Variants in UNC13B observed in about 807,000 individuals in gnomAD.
UNC13B encodes the protein unc-13 homolog B, also known as protein unc-13 homolog B.
A neutral mutation model predicts 211.0 loss-of-function variants in UNC13B; 144 were observed. That is an observed-to-expected ratio of 0.68 (90% confidence interval 0.60 to 0.78). The LOEUF (loss-of-function observed/expected upper bound fraction) is 0.78. UNC13B is among the 30% of genes least tolerant of loss of function. The pLI, the probability that UNC13B is intolerant of heterozygous loss-of-function variation, is 0.00. For synonymous variants in UNC13B, 709 were observed against 725.8 expected (o/e 0.98, Z 0.37); for missense variants, 1,777 against 2,002.0 (o/e 0.89, Z 2.14).
intron 7 of UNC13B, among the ~76,000 whole-genome samples, chr9:35,263,516 A>C (rs1328581053): frequency 6.6e-6 from 1 of 152,036 alleles, no homozygotes; most frequent in East Asian, 1.9e-4. Context: ...TGCATTTTCT[A>C]TCTGTCTCAT....
intron 7 of UNC13B, among the ~76,000 whole-genome samples, chr9:35,276,432 G>A (rs1276260063): frequency 6.6e-6 from 1 of 151,906 alleles, no homozygotes; most frequent in Non-Finnish European, 1.5e-5. Flanking sequence ...TCCTCTGTCT[G>A]CACTCACCCT....
intron 7 of UNC13B, among the ~76,000 whole-genome samples, chr9:35,265,557 A>T (rs1255405497): frequency 6.6e-6 from 1 of 152,224 alleles, no homozygotes; most frequent in East Asian, 1.9e-4. Flanking sequence ...ATTATAAGAA[A>T]AATTACTAGG....
rs1179543355 is a variant in UNC13B, at chr9:35,304,330, C to T, written c.4926C>T (p.Ser1642=). ...QVLKESSCDQ[S]DQPLDFSGYN... ...TTAAAGAGTCAAGTTGTGACCAAAG[C>T]GATCAGCCACTAGATTTTTCAGGCT... The change falls in exon 9 of 40, where the codon AGC becomes AGT. Residue 1642 remains serine, a synonymous_variant. Transcript: ENST00000635942. The T allele has an allele frequency of 2.0e-5, 8 of 398,388 alleles. 1 individual carries two copies. The highest frequency in any genetic ancestry group is 1.2e-3 in the Middle Eastern group (2 of 1,610). 24.7% of individuals were successfully genotyped at this position (398,388 alleles called of 1,614,324 possible). A position where few individuals can be genotyped will look rare whatever the true frequency, so the allele number is the denominator to read the frequency against.
At chr9:35,368,051 C>T (rs1026430544) in intron 12 of UNC13B, among the ~76,000 whole-genome samples, 1 of 152,106 alleles carries the variant, frequency 6.6e-6, no homozygotes, top group African/African-American at 2.4e-5. Context: ...AATTTGTCAT[C>T]TTTAAAAAAA....
At chr9:35,370,989 C>T (rs1834078613) in intron 13 of UNC13B, among the ~76,000 whole-genome samples, 1 of 152,186 alleles carries the variant, frequency 6.6e-6, no homozygotes, top group South Asian at 2.1e-4. Flanking sequence ...TGGGTCATAC[C>T]TTCTGAGGCA....
At chr9:35,263,182 A>G (rs1435957536) in intron 7 of UNC13B, among the ~76,000 whole-genome samples, 1 of 152,204 alleles carries the variant, frequency 6.6e-6, no homozygotes, top group Non-Finnish European at 1.5e-5. Flanking sequence ...AGACAAAGAT[A>G]TATGTGCAAA....
chr9:35,329,519 A>G (rs940545688), intron 11 of UNC13B, among the ~76,000 whole-genome samples: 2 of 149,596 alleles, frequency 1.3e-5, no homozygotes, highest in Non-Finnish European at 3.0e-5. Context: ...ATAGGGTCTC[A>G]CTCTGTTGCC....
Position 35,310,605 on chromosome 9 carries a change from C to T in UNC13B, c.9147C>T (p.His3049=), listed in dbSNP as rs1404472673. The change falls in exon 10 of 40, where the codon CAC becomes CAT. Residue 3049 remains histidine, a synonymous_variant. Coordinates refer to ENST00000635942, the MANE Select transcript of UNC13B (RefSeq NM_001371189.2). ...TDSIHSCHSS[H]SLSRDGQAGF... is the part of the protein sequence containing the mutation. ...CGATTCATTCTTGCCACAGCTCTCA[C>T]AGCCTGTCCAGAGATGGCCAAGCAG... 6.2e-7 allele frequency: 1 copy of T among 1,613,936 alleles called. No individual in the cohort carries two copies. The highest frequency in any genetic ancestry group is 2.2e-5 in the East Asian group (1 of 44,880).
At chr9:35,316,316 A>G (rs1830450913) in intron 11 of UNC13B, among the ~76,000 whole-genome samples, 1 of 151,948 alleles carries the variant, frequency 6.6e-6, no homozygotes, top group Admixed American at 6.6e-5. Context: ...TTACATTTCT[A>G]ATTTATTACA....
chr9:35,284,362 A>G (rs1828673336), intron 7 of UNC13B, among the ~76,000 whole-genome samples: 1 of 152,234 alleles, frequency 6.6e-6, no homozygotes. Flanking sequence ...ATTTAAAAAT[A>G]TTAGTGGATG....
In UNC13B at chr9:35,162,075, C is replaced by T; in HGVS notation, c.-209C>T. 1 of 671,164 alleles carries T rather than the reference C, an allele frequency of 1.5e-6. No homozygotes were observed. The highest frequency in any genetic ancestry group is 3.2e-5 in the East Asian group (1 of 31,724). The allele number at this position is 671,164 out of a possible 1,614,324, so 41.6% of individuals were successfully genotyped here. On this transcript the variant is annotated 5_prime_UTR_variant, in exon 1 of 40. Transcript: ENST00000635942. The stretch of plus-strand genomic sequence containing the variant: ...CCGCGCCCAGTCCCCAGCCTGCCGG[C>T]CGGTACTCACCGCTACCCGGAGTTC...
At chr9:35,246,449 G>A (rs1200550775) in intron 6 of UNC13B, among the ~76,000 whole-genome samples, 17 of 152,250 alleles carry the variant, frequency 1.1e-4, no homozygotes, top group Non-Finnish European at 1.9e-4. Flanking sequence ...GAATGGTATC[G>A]CCTAGGTTTT....
intron 6 of UNC13B, 78 bp downstream of exon 6, chr9:35,243,442 C>T (rs1268408263): frequency 7.0e-7 from 1 of 1,429,218 alleles, no homozygotes. Flanking sequence ...CAGGGAGGGG[C>T]CCAAGAGCAT....
Position 35,391,735 on chromosome 9 carries a change from G to A in UNC13B, c.11308+1021G>A, listed in dbSNP as rs894810990. Reference sequence around the variant, plus strand: ...AACTCTGGCTCCAGTGGGTTTGGGGGAAAAGAGAAAACACCTGTGAAAAGT... The same window carrying A: ...AACTCTGGCTCCAGTGGGTTTGGGGAAAAAGAGAAAACACCTGTGAAAAGT... On this transcript the variant is annotated intron_variant, in intron 26 of 39. Coordinates refer to ENST00000635942, the MANE Select transcript of UNC13B (RefSeq NM_001371189.2). Among the ~76,000 whole-genome samples, 43 of 152,180 alleles carry A rather than the reference G, an allele frequency of 2.8e-4. 1 individual carries two copies. Among genetic ancestry groups the A allele is most frequent in the Non-Finnish European group, 5.7e-4 (39 of 68,032 alleles).
At chr9:35,208,257 C>G (rs1037477221) in intron 1 of UNC13B, among the ~76,000 whole-genome samples, 1 of 152,136 alleles carries the variant, frequency 6.6e-6, no homozygotes, top group African/African-American at 2.4e-5. Flanking sequence ...GATTTGCTTT[C>G]CCTTTTAATA....
chr9:35,358,690 A>ATTTTT (rs918370577), intron 11 of UNC13B, among the ~76,000 whole-genome samples: 7 of 108,692 alleles, frequency 6.4e-5, no homozygotes, highest in Non-Finnish European at 9.3e-5. Context: ...TAGGTCTATG[A>ATTTTT]TTTTTTTTTT....
At chr9:35,270,893 C>G (rs1827839397) in intron 7 of UNC13B, among the ~76,000 whole-genome samples, 1 of 152,116 alleles carries the variant, frequency 6.6e-6, no homozygotes, top group South Asian at 2.1e-4. Context: ...GTAATCCCAG[C>G]ACTCTGGGAG....
At position 35,342,139 on chromosome 9, in the gene UNC13B, A is replaced by G. The variant is rs1832038474; in HGVS notation, c.9415-24808A>G. 1.2e-5 allele frequency: 12 copies of G among 985,372 alleles called. No individual in the cohort carries two copies. The South Asian group carries it at 4.2e-4, about 35-fold the overall frequency. 61.0% of individuals were successfully genotyped at this position (985,372 alleles called of 1,614,324 possible). A position where few individuals can be genotyped will look rare whatever the true frequency, so the allele number is the denominator to read the frequency against. Reference sequence around the variant, plus strand: ...CAGCCAGCTGGGTGCAACTGAGAATATTAGCTCCTTGGGTCTGTTTGTCGG... The same window carrying G: ...CAGCCAGCTGGGTGCAACTGAGAATGTTAGCTCCTTGGGTCTGTTTGTCGG... On this transcript the variant is annotated intron_variant, in intron 11 of 39. Coordinates refer to ENST00000635942, the MANE Select transcript of UNC13B (RefSeq NM_001371189.2).
chr9:35,349,347 G>GAA (rs56137649), intron 11 of UNC13B, among the ~76,000 whole-genome samples: 10 of 115,502 alleles, frequency 8.7e-5, no homozygotes, highest in East Asian at 4.7e-4. Flanking sequence ...GGTTGGGGAG[G>GAA]AAAAAAAAAA....
Sources: allele counts gnomAD v4.1 joint callset (sites outside exome capture counted in the v4.1 genomes callset), GRCh38; gene constraint gnomAD v4.1.1; transcripts MANE v1.5; gene names NCBI Gene and HGNC (gene_info 2026-07-23, HGNC 2026-07-21).